Variants in PSD observed in about 807,000 individuals in gnomAD.
PSD encodes the protein PH and SEC7 domain-containing protein 1.
Under a neutral mutation model 91.6 loss-of-function variants are expected in PSD, and 32 were observed. The ratio of observed to expected loss-of-function variants is 0.35; its 90% CI spans 0.26 to 0.47. The LOEUF (loss-of-function observed/expected upper bound fraction) is 0.47, where lower values mean the gene tolerates loss of function less well. PSD is among the 20% of genes least tolerant of loss of function. PSD has a pLI of 1.00. For synonymous variants in PSD, 532 were observed against 569.3 expected (o/e 0.93, Z 0.93); for missense variants, 1,099 against 1,373.9 (o/e 0.80, Z 3.16).
In PSD at chr10:102,403,327, G is replaced by C; in HGVS notation, c.2948C>G (p.Thr983Arg). Residue 983 changes from threonine to arginine, a missense_variant, in exon 17 of 17, where the codon ACA becomes AGA. Thr to Arg is a moderately conservative substitution (Grantham distance 71). Around this residue, in one of 3 missense-constraint regions of PSD, gnomAD observed 358 missense variants for 426.5 expected, o/e 0.84. Coordinates refer to ENST00000020673, the MANE Select transcript of PSD (RefSeq NM_002779.5). The surrounding 1 kb of genome is among the most constrained non-coding windows in gnomAD (Gnocchi z 6.7). Reference protein sequence around the residue: ...VEAALAQAGSTEDGLPPSHSS... With the variant: ...VEAALAQAGSREDGLPPSHSS... The stretch of plus-strand genomic sequence containing the variant: ...GTGAGAAGGAGGGAGTCCATCCTCT[G>C]TGCTCCCGGCCTGGGCCAGTGCTGC... 6.2e-7 allele frequency: 1 copy of C among 1,614,126 alleles called. No individual in the cohort carries two copies. The highest frequency in any genetic ancestry group is 8.5e-7 in the Non-Finnish European group (1 of 1,180,018).
chr10:102,413,830 C>T lies in PSD; in HGVS notation c.1492G>A (p.Glu498Lys), dbSNP rs1266898685. The T allele has an allele frequency of 6.2e-7, 1 of 1,613,974 alleles. No homozygotes were observed. The highest frequency in any genetic ancestry group is 2.2e-5 in the East Asian group (1 of 44,886). The change falls in exon 5 of 17, where the codon GAG becomes AAG. Residue 498 changes from glutamate (E) to lysine (K), a missense_variant. Glu to Lys is a moderately conservative substitution (Grantham distance 56, BLOSUM62 1). This residue lies in a region of PSD where 631 missense variants were observed against 728.8 expected (regional missense o/e 0.87). Coordinates refer to ENST00000020673, the MANE Select transcript of PSD (RefSeq NM_002779.5). ...EARAKLAPGR[E>K]PPSPCHSEDS... ...TCTGAGTGGCAGGGACTAGGGGGCT[C>T]CCTCCCTGGGGCCAGCTTGGCTCTG... is the stretch of plus-strand genomic sequence containing the variant.
chr10:102,409,348 T>A lies in PSD; in HGVS notation c.2091+1510A>T. The A allele has an allele frequency of 2.0e-6, 2 of 985,204 alleles. No homozygotes were observed. The highest frequency in any genetic ancestry group is 1.2e-6 in the Non-Finnish European group (1 of 829,718). The allele number at this position is 985,204 out of a possible 1,614,324, so 61.0% of individuals were successfully genotyped here. A position where few individuals can be genotyped will look rare whatever the true frequency, so the allele number is the denominator to read the frequency against. On this transcript the variant is annotated intron_variant, in intron 10 of 16. Transcript: ENST00000020673. This position sits in a 1 kb window ranked among gnomAD's most constrained non-coding sequence, Gnocchi z 5.7. The stretch of plus-strand genomic sequence containing the variant: ...GCGAGGGCTGGGGGCGGGGACCGCA[T>A]GAAATGGAGGCGCCCGATCGCGAAG...
intron 5 of PSD, among the ~76,000 whole-genome samples, chr10:102,413,187 C>T (rs907740203): frequency 1.3e-5 from 2 of 152,184 alleles, no homozygotes; most frequent in African/African-American, 4.8e-5. Context: ...CCTGTCAGCC[C>T]AGAGACAGAG....
chr10:102,411,204 C>T (rs1223927699), intron 8 of PSD, 88 bp from the exon 9 acceptor site: 3 of 1,359,048 alleles, frequency 2.2e-6, no homozygotes, highest in Non-Finnish European at 3.0e-6. Context: ...CATCCCCACC[C>T]CCTTTGGCCG....
Position 102,416,999 on chromosome 10 carries a change from A to T in PSD, c.40T>A (p.Cys14Ser). Residue 14 changes from cysteine (C) to serine (S), a missense_variant, in exon 2 of 17, where the codon TGT becomes AGT. Cys to Ser is a moderately radical substitution (Grantham distance 112). Around this residue, in one of 3 missense-constraint regions of PSD, gnomAD observed 631 missense variants for 728.8 expected, o/e 0.87. Coordinates refer to ENST00000020673, the MANE Select transcript of PSD (RefSeq NM_002779.5). This position sits in a 1 kb window ranked among gnomAD's most constrained non-coding sequence, Gnocchi z 6.0. ...GGGCATCGTGGTGGGGAGATGGCAC[A>T]GTCGCCTTCCGAGCAGAAGCGCATG... ...GAMRFCSEGD[C>S]AISPPRCPRR... is the part of the protein sequence containing the mutation. The T allele has an allele frequency of 6.3e-7, 1 of 1,592,144 alleles. No homozygotes were observed. Among genetic ancestry groups the T allele is most frequent in the South Asian group, 1.1e-5 (1 of 90,546 alleles).
chr10:102,404,509 C>T lies in PSD; in HGVS notation c.2700+74G>A, dbSNP rs2061337482. 3.9e-6 allele frequency: 6 copies of T among 1,522,166 alleles called. No individual in the cohort carries two copies. Among genetic ancestry groups the T allele is most frequent in the South Asian group, 2.5e-5 (2 of 80,066 alleles). 94.3% of individuals were successfully genotyped at this position (1,522,166 alleles called of 1,614,324 possible). On this transcript the variant is annotated intron_variant, in intron 15 of 16. Coordinates refer to ENST00000020673, the MANE Select transcript of PSD (RefSeq NM_002779.5). This position sits in a 1 kb window ranked among gnomAD's most constrained non-coding sequence, Gnocchi z 5.7. ...GGGACATCTCCACGATCACACGCAGCAGCCTTGAGTGCAGTGGGCCTGAGC... is the reference window on the plus strand; with the variant it reads ...GGGACATCTCCACGATCACACGCAGTAGCCTTGAGTGCAGTGGGCCTGAGC...
At chr10:102,408,877 C>A in intron 10 of PSD, 1 of 986,826 alleles carries the variant, frequency 1.0e-6, no homozygotes, top group Non-Finnish European at 1.2e-6. Context: ...GCGTGGGCCG[C>A]GGCCCCAACG....
At chr10:102,406,785 G>A (rs183018453) in intron 11 of PSD, among the ~76,000 whole-genome samples, 151 of 152,342 alleles carry the variant, frequency 9.9e-4, no homozygotes, top group African/African-American at 3.3e-3. Context: ...GATTACAGGC[G>A]TGAGCCACCT....
In PSD at chr10:102,413,783, T is replaced by C. The variant is rs952852086; in HGVS notation, c.1539A>G (p.Ala513=). 3 of 1,610,894 alleles carry C rather than the reference T, an allele frequency of 1.9e-6. No homozygotes were observed. The African/African-American group carries it at 4.0e-5, about 22-fold the overall frequency. The change falls in exon 5 of 17, where the codon GCA becomes GCG. Residue 513 remains alanine (A), a synonymous_variant. Coordinates refer to ENST00000020673, the MANE Select transcript of PSD (RefSeq NM_002779.5). ...GAATTACTTACCTGCCAAGGGGTGC[T>C]GCCCCCAGCCCAAGGCTGTCCTCTG... The part of the protein sequence containing the change: ...CHSEDSLGLG[A]APLGSEPPLS...
At chr10:102,411,232 G>C in intron 8 of PSD, 116 bp from the exon 9 acceptor site, 1 of 904,722 alleles carries the variant, frequency 1.1e-6, no homozygotes, top group Non-Finnish European at 1.7e-6. Flanking sequence ...CCTACCTCCT[G>C]AACCCCGCTA....
chr10:102,405,446 G>A lies in PSD; in HGVS notation c.2226C>T (p.Gly742=). 1 of 1,614,016 alleles carries A rather than the reference G, an allele frequency of 6.2e-7. No individual in the cohort carries two copies. The highest frequency in any genetic ancestry group is 2.2e-5 in the East Asian group (1 of 44,882). ...IKRISGGSGS[G]SSPFLDLTPE... ...GAGTCAGGTCCAGGAAAGGGCTGGA[G>A]CCACTGCCACTGCCCCCGCTGATCC... Residue 742 remains glycine, a synonymous_variant, in exon 12 of 17, where the codon GGC becomes GGT. Transcript: ENST00000020673. This position sits in a 1 kb window ranked among gnomAD's most constrained non-coding sequence, Gnocchi z 5.4.
rs1396443093 is a variant in PSD, at chr10:102,404,659, G to C, written c.2624C>G (p.Pro875Arg). 3 of 1,611,844 alleles carry C rather than the reference G, an allele frequency of 1.9e-6. No individual in the cohort carries two copies. Among genetic ancestry groups the C allele is most frequent in the Non-Finnish European group, 2.5e-6 (3 of 1,178,882 alleles). Residue 875 changes from proline to arginine, a missense_variant, in exon 15 of 17, where the codon CCC (proline) becomes CGC (arginine). Pro to Arg is a moderately radical substitution (Grantham distance 103). This residue lies in a region of PSD where 358 missense variants were observed against 426.5 expected (regional missense o/e 0.84). Coordinates refer to ENST00000020673, the MANE Select transcript of PSD (RefSeq NM_002779.5). The surrounding 1 kb of genome is among the most constrained non-coding windows in gnomAD (Gnocchi z 5.7). ...NVVAAMFSAP[P>R]FPAAVSSQKK... is the part of the protein sequence containing the mutation. ...TTGGGAGCTAACAGCAGCTGGGAAG[G>C]GGGGCGCAGAGAACATAGCGGCTAC...
At position 102,416,253 on chromosome 10, in the gene PSD, G is replaced by C; in HGVS notation, c.654+132C>G. ...GTTCAGAGACACAGAGACAAACACAGAGGGCAAGAGAGAGGCAGATTTAGA... is the reference window on the plus strand; with the variant it reads ...GTTCAGAGACACAGAGACAAACACACAGGGCAAGAGAGAGGCAGATTTAGA... On this transcript the variant is annotated intron_variant, in intron 2 of 16. Coordinates refer to ENST00000020673, the MANE Select transcript of PSD (RefSeq NM_002779.5). The surrounding 1 kb of genome is among the most constrained non-coding windows in gnomAD (Gnocchi z 6.0). The C allele has an allele frequency of 8.0e-7, 1 of 1,247,494 alleles. No homozygotes were observed. Among genetic ancestry groups the C allele is most frequent in the Non-Finnish European group, 1.1e-6 (1 of 889,906 alleles). The allele number at this position is 1,247,494 out of a possible 1,614,324, so 77.3% of individuals were successfully genotyped here. A position where few individuals can be genotyped will look rare whatever the true frequency, so the allele number is the denominator to read the frequency against.
chr10:102,408,779 T>G (rs1401414727), intron 10 of PSD: 3 of 462,524 alleles, frequency 6.5e-6, no homozygotes, highest in African/African-American at 6.5e-5. Context: ...TGGCTGCCCA[T>G]GACCTCTGTC....
In PSD at chr10:102,404,903, C is replaced by T. The variant is rs371570067; in HGVS notation, c.2550G>A (p.Gln850=). 6.2e-7 allele frequency: 1 copy of T among 1,612,542 alleles called. No individual in the cohort carries two copies. Among genetic ancestry groups the T allele is most frequent in the Non-Finnish European group, 8.5e-7 (1 of 1,179,364 alleles). ...GGCAGGAGGAGGGCACTCACGGGGC[C>T]TGGAAGAGGAAGACCCGCCAGTCAG... is the stretch of plus-strand genomic sequence containing the variant. ...RTADWRVFLF[Q]APSLEQMQSW... The change falls in exon 14 of 17, where the codon CAG becomes CAA. Residue 850 remains glutamine, a synonymous_variant. Transcript: ENST00000020673. This position sits in a 1 kb window ranked among gnomAD's most constrained non-coding sequence, Gnocchi z 5.7.
At position 102,412,396 on chromosome 10, in the gene PSD, C is replaced by T. The variant is rs1404736763; in HGVS notation, c.1733G>A (p.Arg578Gln). 8.1e-6 allele frequency: 13 copies of T among 1,613,644 alleles called. No individual in the cohort carries two copies. The highest frequency in any genetic ancestry group is 2.7e-5 in the African/African-American group (2 of 74,922). The change falls in exon 6 of 17, where the codon CGG (arginine) becomes CAG (glutamine). Residue 578 changes from arginine to glutamine, a missense_variant. Coordinates refer to ENST00000020673, the MANE Select transcript of PSD (RefSeq NM_002779.5). ...GTGGCTTTACTTCTTGCCCAGGTGCCGGGCCACATCGGCCTTCCTGAAGCC... is the reference window on the plus strand; with the variant it reads ...GTGGCTTTACTTCTTGCCCAGGTGCTGGGCCACATCGGCCTTCCTGAAGCC... Reference protein sequence around the residue: ...LDGFRKADVARHLGKNNDFSK... With the variant: ...LDGFRKADVAQHLGKNNDFSK...
chr10:102,409,139 C>T lies in PSD; in HGVS notation c.2091+1719G>A, dbSNP rs1464346550. 1 of 980,826 alleles carries T rather than the reference C, an allele frequency of 1.0e-6. No homozygotes were observed. The highest frequency in any genetic ancestry group is 1.1e-4 in the East Asian group (1 of 8,758). 60.8% of individuals were successfully genotyped at this position (980,826 alleles called of 1,614,324 possible). A position where few individuals can be genotyped will look rare whatever the true frequency, so the allele number is the denominator to read the frequency against. On this transcript the variant is annotated intron_variant, in intron 10 of 16. Coordinates refer to ENST00000020673, the MANE Select transcript of PSD (RefSeq NM_002779.5). The surrounding 1 kb of genome is among the most constrained non-coding windows in gnomAD (Gnocchi z 5.7). ...CGGCCCCCGGCCATGCCCCCGTCCG[C>T]CCTCGGCCCCCGGGCCGCCCGGACG...
chr10:102,415,037 C>T lies in PSD; in HGVS notation c.950G>A (p.Ser317Asn). 1 of 1,613,812 alleles carries T rather than the reference C, an allele frequency of 6.2e-7. No homozygotes were observed. The highest frequency in any genetic ancestry group is 8.5e-7 in the Non-Finnish European group (1 of 1,179,834). Residue 317 changes from serine to asparagine, a missense_variant, in exon 4 of 17, where the codon AGT (serine) becomes AAT (asparagine). This residue lies in a region of PSD where 631 missense variants were observed against 728.8 expected (regional missense o/e 0.87). Coordinates refer to ENST00000020673, the MANE Select transcript of PSD (RefSeq NM_002779.5). ...TGGTGGGCCCTCAGAGCTGGGCTGA[C>T]TTTCGATGGCCGAGTCGGCCTCCTC... is the stretch of plus-strand genomic sequence containing the variant. ...EREEADSAIE[S>N]QPSSEGPPGT...
Position 102,413,976 on chromosome 10 carries a change from G to C in PSD, c.1346C>G (p.Pro449Arg). 6.2e-7 allele frequency: 1 copy of C among 1,613,982 alleles called. No individual in the cohort carries two copies. The highest frequency in any genetic ancestry group is 2.2e-5 in the East Asian group (1 of 44,882). Residue 449 changes from proline (P) to arginine (R), a missense_variant, in exon 5 of 17, where the codon CCT becomes CGT. Around this residue, in one of 3 missense-constraint regions of PSD, gnomAD observed 631 missense variants for 728.8 expected, o/e 0.87. Transcript: ENST00000020673. The stretch of plus-strand genomic sequence containing the variant: ...AGCTGGTGGGTCGGGCCGGGGTGCA[G>C]GGGGTTGGGGAGGCAGCTCAAAGGT... ...FFTFELPPQP[P>R]APRPDPPAPA... is the part of the protein sequence containing the mutation.
Sources: gnomAD v4.1 joint callset for allele counts (sites outside exome capture counted in the v4.1 genomes callset) on GRCh38, gnomAD v4.1.1 for gene constraint, gnomAD v4.1.1 regional missense constraint, Gnocchi (gnomAD v3.1) non-coding constraint, MANE v1.5 for transcripts, NCBI Gene and HGNC (gene_info 2026-07-23, HGNC 2026-07-21) for gene names.